Variants in ABL2 observed in about 807,000 individuals in gnomAD.
ABL2 encodes the protein ABL proto-oncogene 2, non-receptor tyrosine kinase.
A neutral mutation model predicts 107.7 loss-of-function variants in ABL2; 49 were observed. That is an observed-to-expected ratio of 0.45 (90% CI 0.36 to 0.58). The LOEUF (loss-of-function observed/expected upper bound fraction) is 0.58. ABL2 is among the 20% of genes least tolerant of loss of function. The pLI is 0.00. For synonymous variants in ABL2, 549 were observed against 548.6 expected (o/e 1.00, Z -0.01); for missense variants, 1,245 against 1,457.0 (o/e 0.85, Z 2.37).
intron 1 of ABL2, among the ~76,000 whole-genome samples, chr1:179,209,083 T>C (rs1387503171): frequency 1.3e-5 from 2 of 152,178 alleles, no homozygotes; most frequent in Non-Finnish European, 2.9e-5. Flanking sequence ...CCTTGGCATT[T>C]GAGGAAACAG....
At chr1:179,161,710 C>A (rs1659079252) in intron 1 of ABL2, among the ~76,000 whole-genome samples, 1 of 152,110 alleles carries the variant, frequency 6.6e-6, no homozygotes, top group Non-Finnish European at 1.5e-5. Flanking sequence ...GACCCTCTCT[C>A]AATAAAGAAA....
intron 3 of ABL2, among the ~76,000 whole-genome samples, chr1:179,127,995 A>G (rs770869003): frequency 3.4e-5 from 5 of 149,058 alleles, no homozygotes; most frequent in Non-Finnish European, 7.4e-5. Flanking sequence ...AGATTGCACC[A>G]CTGTACTCCA....
intron 6 of ABL2, among the ~76,000 whole-genome samples, chr1:179,119,661 T>C (rs989774722): frequency 1.3e-5 from 2 of 152,020 alleles, no homozygotes; most frequent in African/African-American, 4.8e-5. Flanking sequence ...TAATAAAGCA[T>C]TTCCTGCTTG....
intron 1 of ABL2, among the ~76,000 whole-genome samples, chr1:179,203,698 G>A (rs1005249457): frequency 3.3e-5 from 5 of 152,178 alleles, no homozygotes; most frequent in African/African-American, 4.8e-5. Context: ...GGCCCCACAT[G>A]CTATACATTA....
chr1:179,149,270 T>C (rs932608581), intron 1 of ABL2, among the ~76,000 whole-genome samples: 2 of 152,186 alleles, frequency 1.3e-5, no homozygotes, highest in Non-Finnish European at 2.9e-5. Context: ...CCAACTCTCT[T>C]CAATTCTGTG....
intron 9 of ABL2, 116 bp from the exon 10 acceptor site, chr1:179,112,514 C>T (rs2102593849): frequency 1.4e-6 from 1 of 716,472 alleles, no homozygotes. Flanking sequence ...ACAGTTACAG[C>T]ATGTTCACAA....
intron 1 of ABL2, among the ~76,000 whole-genome samples, chr1:179,201,160 G>A (rs1271421503): frequency 1.3e-5 from 2 of 152,082 alleles, no homozygotes; most frequent in African/African-American, 2.4e-5. Context: ...AGCAGACCTC[G>A]CTAAGCATAT....
intron 11 of ABL2, 127 bp downstream of exon 11, chr1:179,110,155 G>A (rs1653903343): frequency 1.8e-6 from 2 of 1,124,518 alleles, no homozygotes; most frequent in Non-Finnish European, 1.3e-6. Context: ...CTTCATGGGT[G>A]GGTAAAAGAG....
In ABL2 at chr1:179,102,943, C is replaced by T; in HGVS notation, c.*4775G>A. The T allele has an allele frequency of 4.4e-6, 1 of 226,514 alleles. No homozygotes were observed. Among genetic ancestry groups the T allele is most frequent in the Non-Finnish European group, 8.8e-6 (1 of 113,870 alleles). 14.0% of individuals were successfully genotyped at this position (226,514 alleles called of 1,614,324 possible). Reference sequence around the variant, plus strand: ...CACTGGTTTTATGGCCATCCACCTCCCCCTGTAAACCTAACAAAACTATGC... The same window carrying T: ...CACTGGTTTTATGGCCATCCACCTCTCCCTGTAAACCTAACAAAACTATGC... On this transcript the variant is annotated 3_prime_UTR_variant, in exon 12 of 12. Coordinates refer to ENST00000502732, the MANE Select transcript of ABL2 (RefSeq NM_007314.4).
At chr1:179,125,090 C>A (rs1300130034) in intron 4 of ABL2, among the ~76,000 whole-genome samples, 1 of 152,100 alleles carries the variant, frequency 6.6e-6, no homozygotes, top group East Asian at 1.9e-4. Context: ...CCAGCAAACT[C>A]TTCATAAGGG....
At position 179,126,273 on chromosome 1, in the gene ABL2, A is replaced by G. The variant is rs1415278792; in HGVS notation, c.687+104T>C. The stretch of plus-strand genomic sequence containing the variant: ...AACTCACAAAGCTAGTGAATATTTT[A>G]TTTCACGTCAGACATAAAATCTATT... On this transcript the variant is annotated intron_variant, in intron 4 of 11. Coordinates refer to ENST00000502732, the MANE Select transcript of ABL2 (RefSeq NM_007314.4). This position sits in a 1 kb window ranked among gnomAD's most constrained non-coding sequence, Gnocchi z 4.4. 3.8e-6 allele frequency: 5 copies of G among 1,322,684 alleles called. No homozygotes were observed. Among genetic ancestry groups the G allele is most frequent in the Non-Finnish European group, 5.2e-6 (5 of 967,570 alleles). 81.9% of individuals were successfully genotyped at this position (1,322,684 alleles called of 1,614,324 possible).
rs139664329 is a variant in ABL2 at position 179,126,359 on chromosome 1, G to A, written c.687+18C>T. On this transcript the variant is annotated intron_variant, in intron 4 of 11. Coordinates refer to ENST00000502732, the MANE Select transcript of ABL2 (RefSeq NM_007314.4). This position sits in a 1 kb window ranked among gnomAD's most constrained non-coding sequence, Gnocchi z 4.4. The stretch of plus-strand genomic sequence containing the variant: ...AGTAGCCAGTCCATGCTTAAAGGTG[G>A]TGACCAGGGAGTCTTACCTTGCCAT... 5.0e-6 allele frequency: 8 copies of A among 1,604,518 alleles called. No homozygotes were observed. The highest frequency in any genetic ancestry group is 6.0e-6 in the Non-Finnish European group (7 of 1,171,976).
At chr1:179,175,007 C>A (rs1659967920) in intron 1 of ABL2, among the ~76,000 whole-genome samples, 1 of 150,858 alleles carries the variant, frequency 6.6e-6, no homozygotes, top group Non-Finnish European at 1.5e-5. Context: ...ATCCCCTGAT[C>A]TTTTAGTGTC....
chr1:179,170,283 A>T (rs916890870), intron 1 of ABL2, among the ~76,000 whole-genome samples: 1 of 152,198 alleles, frequency 6.6e-6, no homozygotes, highest in South Asian at 2.1e-4. Flanking sequence ...ATTACCTCTT[A>T]AAAAGATCCC....
intron 4 of ABL2, among the ~76,000 whole-genome samples, chr1:179,123,707 G>A (rs1441604589): frequency 6.6e-6 from 1 of 152,126 alleles, no homozygotes; most frequent in Non-Finnish European, 1.5e-5. Context: ...ATGACTCACT[G>A]CAGCCTTGAC....
chr1:179,133,193 A>G, intron 2 of ABL2, 119 bp downstream of exon 2: 4 of 1,495,784 alleles, frequency 2.7e-6, no homozygotes, highest in Non-Finnish European at 1.8e-6. Flanking sequence ...TAGTTTTATC[A>G]TATATGAAAG....
At position 179,221,993 on chromosome 1, in the gene ABL2, G is replaced by A. The variant is rs1000810025; in HGVS notation, c.157+7248C>T. 6 of 214,348 alleles carry A rather than the reference G, an allele frequency of 2.8e-5. No homozygotes were observed. The East Asian group carries it at 6.1e-4, about 22-fold the overall frequency. The allele number at this position is 214,348 out of a possible 1,614,324, so 13.3% of individuals were successfully genotyped here. A position where few individuals can be genotyped will look rare whatever the true frequency, so the allele number is the denominator to read the frequency against. On this transcript the variant is annotated intron_variant, in intron 1 of 11. Transcript: ENST00000502732. ...TGGACATTCATATTCCAGAAGACAC[G>A]AATCTTTTCTTTCTATATAGAATCC...
At position 179,108,645 on chromosome 1, in the gene ABL2, C is replaced by T. The variant is rs898141087; in HGVS notation, c.2622G>A (p.Lys874=). 1.7e-5 allele frequency: 28 copies of T among 1,614,090 alleles called. 1 individual carries two copies. Among genetic ancestry groups the T allele is most frequent in the Non-Finnish European group, 2.3e-5 (27 of 1,180,046 alleles). Residue 874 remains lysine, a synonymous_variant, in exon 12 of 12, where the codon AAG becomes AAA. Transcript: ENST00000502732. ...CAGCCACTCCCACCCCTGGAGGGTC[C>T]TTCTCTGTAATGGCTAGATCCCCAG... ...TPSGDLAITE[K]DPPGVGVAGV...
intron 1 of ABL2, chr1:179,143,009 A>T (rs749418236): frequency 1.2e-5 from 19 of 1,614,200 alleles, no homozygotes; most frequent in Non-Finnish European, 1.5e-5. Context: ...CTCTGCCATA[A>T]CTATTAGGTG....
Sources: allele counts gnomAD v4.1 joint callset (sites outside exome capture counted in the v4.1 genomes callset), GRCh38; gene constraint gnomAD v4.1.1; non-coding constraint Gnocchi (gnomAD v3.1); transcripts MANE v1.5; gene names NCBI Gene and HGNC (gene_info 2026-07-23, HGNC 2026-07-21).